The following FER1L6 variants were observed in gnomAD, a reference collection of about 807,000 sequenced individuals.
FER1L6 encodes the protein fer-1 like family member 6, also known as fer-1-like protein 6.
In FER1L6, 177 loss-of-function variants were observed where a neutral mutation model predicts 219.2. That is an observed-to-expected ratio of 0.81 (90% CI 0.71 to 0.91). The LOEUF is 0.91. Ranked by LOEUF, FER1L6 falls within the 40% of genes least tolerant of loss-of-function variation. FER1L6 has a pLI of 0.00. For synonymous variants in FER1L6, 768 were observed against 824.3 expected (o/e 0.93, Z 1.17); for missense variants, 2,153 against 2,259.9 (o/e 0.95, Z 0.96).
At chr8:124,118,086 TAATC>T (rs771470974) in intron 39 of FER1L6, among the ~76,000 whole-genome samples, 6 of 152,176 alleles carry the variant, frequency 3.9e-5, no homozygotes, top group Non-Finnish European at 8.8e-5. Context: ...CTGTTTTTCT[TAATC>T]AATCATTGTT....
intron 1 of FER1L6, among the ~76,000 whole-genome samples, chr8:123,902,503 A>G (rs541044568): frequency 3.3e-5 from 5 of 152,182 alleles, no homozygotes; most frequent in African/African-American, 1.2e-4. Flanking sequence ...TTAGGTGTGT[A>G]TATGTTTAGG....
intron 39 of FER1L6, among the ~76,000 whole-genome samples, chr8:124,108,683 C>A (rs933916406): frequency 5.3e-5 from 8 of 152,062 alleles, no homozygotes; most frequent in Non-Finnish European, 1.0e-4. Flanking sequence ...TTGAGACCAG[C>A]CTGGGCAACA....
In FER1L6 at chr8:124,119,980, A is replaced by C; in HGVS notation, c.*190A>C. Reference sequence around the variant, plus strand: ...CCTGCCTCCAAGTTTCAAACTTGTAAGGCATGTTTTATCCCTTGGGCAGCA... The same window carrying C: ...CCTGCCTCCAAGTTTCAAACTTGTACGGCATGTTTTATCCCTTGGGCAGCA... On this transcript the variant is annotated 3_prime_UTR_variant, in exon 41 of 41. Coordinates refer to ENST00000522917, the MANE Select transcript of FER1L6 (RefSeq NM_001039112.2). The C allele has an allele frequency of 1.8e-6, 1 of 554,678 alleles. No homozygotes were observed. Among genetic ancestry groups the C allele is most frequent in the Non-Finnish European group, 3.0e-6 (1 of 331,902 alleles). The allele number at this position is 554,678 out of a possible 1,614,324, so 34.4% of individuals were successfully genotyped here.
intron 39 of FER1L6, among the ~76,000 whole-genome samples, chr8:124,113,844 C>T (rs768162295): frequency 2.3e-4 from 35 of 152,162 alleles, no homozygotes; most frequent in Non-Finnish European, 4.0e-4. Flanking sequence ...TACTCCATAG[C>T]GGATCATGCC....
At chr8:124,052,849 C>A (rs1376827841) in intron 22 of FER1L6, among the ~76,000 whole-genome samples, 2 of 152,170 alleles carry the variant, frequency 1.3e-5, no homozygotes, top group African/African-American at 4.8e-5. Flanking sequence ...TCCAATGACA[C>A]TATTTTGTTT....
At chr8:124,103,779 C>A (rs1392613945) in intron 39 of FER1L6, among the ~76,000 whole-genome samples, 1 of 152,216 alleles carries the variant, frequency 6.6e-6, no homozygotes, top group African/African-American at 2.4e-5. Context: ...TGACCTTTCA[C>A]AAATATTGGG....
chr8:124,045,697 A>G (rs932654254), intron 20 of FER1L6, 70 bp from the exon 21 acceptor site: 24 of 1,526,128 alleles, frequency 1.6e-5, no homozygotes, highest in Non-Finnish European at 2.1e-5. Context: ...TAAGTATTTG[A>G]TGAATGAACC....
Position 124,063,498 on chromosome 8 carries a change from A to G in FER1L6, c.3329-849A>G, listed in dbSNP as rs139316087. Among the ~76,000 whole-genome samples the G allele has an allele frequency of 1.3e-4, 20 of 152,352 alleles. No homozygotes were observed. In the East Asian group the frequency reaches 3.9e-3, roughly 29 times the overall value. ...GAGATTCAGCTGCAGTTTTCTCCAC[A>G]TAGAGCACCGTTTTCCCCCAAAGGG... is the stretch of plus-strand genomic sequence containing the variant. On this transcript the variant is annotated intron_variant, in intron 25 of 40. Transcript: ENST00000522917.
At chr8:123,993,397 C>G (rs200445966) in intron 12 of FER1L6, among the ~76,000 whole-genome samples, 1 of 149,528 alleles carries the variant, frequency 6.7e-6, no homozygotes, top group Non-Finnish European at 1.5e-5. Flanking sequence ...AGCCGAGATC[C>G]CGCCACTGCA....
At chr8:124,100,625 A>G (rs1822507401) in intron 37 of FER1L6, among the ~76,000 whole-genome samples, 2 of 152,306 alleles carry the variant, frequency 1.3e-5, no homozygotes, top group African/African-American at 2.4e-5. Flanking sequence ...GTCTGATGGC[A>G]TAGGTCTGAC....
chr8:123,930,019 G>GA (rs1369117342), intron 1 of FER1L6, among the ~76,000 whole-genome samples: 1 of 150,196 alleles, frequency 6.7e-6, no homozygotes, highest in African/African-American at 2.5e-5. Flanking sequence ...AAATTATTGA[G>GA]AAACGTAGAT....
chr8:124,082,070 A>AG lies in FER1L6; in HGVS notation c.4221-214dup, dbSNP rs565028132. Among the ~76,000 whole-genome samples, 12 of 152,298 alleles carry AG rather than the reference A, an allele frequency of 7.9e-5. No individual in the cohort carries two copies. In the East Asian group the frequency reaches 2.3e-3, roughly 29 times the overall value. On this transcript the variant is annotated intron_variant, in intron 32 of 40. Transcript: ENST00000522917. ...AGACTACAAGATGTGGCCCATGAAAAGGGGAGATTATTGGCTATTTGAAAT... is the reference window on the plus strand; with the variant it reads ...AGACTACAAGATGTGGCCCATGAAAAGGGGGAGATTATTGGCTATTTGAAAT...
At chr8:124,115,489 T>A (rs1457386631) in intron 39 of FER1L6, among the ~76,000 whole-genome samples, 2 of 152,080 alleles carry the variant, frequency 1.3e-5, no homozygotes, top group East Asian at 3.8e-4. Flanking sequence ...ATGACACCTA[T>A]CTCTAGGACA....
chr8:123,911,590 C>G (rs1433114924), intron 1 of FER1L6, among the ~76,000 whole-genome samples: 2 of 152,164 alleles, frequency 1.3e-5, no homozygotes, highest in African/African-American at 4.8e-5. Context: ...CATTCTGTGT[C>G]CATCTTCCTG....
At chr8:124,022,613 G>C (rs563096951) in intron 17 of FER1L6, among the ~76,000 whole-genome samples, 2 of 152,248 alleles carry the variant, frequency 1.3e-5, no homozygotes, top group African/African-American at 4.8e-5. Context: ...TCATATTATA[G>C]GTACACAGTT....
chr8:124,008,962 A>C (rs1817791160), intron 13 of FER1L6, among the ~76,000 whole-genome samples: 1 of 152,164 alleles, frequency 6.6e-6, no homozygotes, highest in South Asian at 2.1e-4. Flanking sequence ...GCAAATCAAG[A>C]CCACAATGCT....
At chr8:123,882,969 T>C (rs1817136177) in intron 1 of FER1L6, among the ~76,000 whole-genome samples, 1 of 152,164 alleles carries the variant, frequency 6.6e-6, no homozygotes, top group African/African-American at 2.4e-5. Flanking sequence ...GGGAAGGGTA[T>C]ACATGTGTGG....
chr8:123,865,702 G>T (rs1291185802), intron 1 of FER1L6, among the ~76,000 whole-genome samples: 4 of 151,226 alleles, frequency 2.6e-5, no homozygotes, highest in African/African-American at 9.9e-5. Flanking sequence ...TTTTTAAGCC[G>T]GTCTGAAAAG....
chr8:123,967,516 G>A (rs960021116), intron 5 of FER1L6, among the ~76,000 whole-genome samples: 1 of 152,106 alleles, frequency 6.6e-6, no homozygotes, highest in Admixed American at 6.6e-5. Context: ...TGGGTCACAA[G>A]GTATATGCAT....
Sources: allele counts gnomAD v4.1 joint callset (sites outside exome capture counted in the v4.1 genomes callset), GRCh38; gene constraint gnomAD v4.1.1; transcripts MANE v1.5; gene names NCBI Gene and HGNC (gene_info 2026-07-23, HGNC 2026-07-21).